Variants in APBA1 observed in about 807,000 individuals in gnomAD.
The protein encoded by APBA1 is amyloid beta precursor protein binding family A member 1.
In APBA1, 55 loss-of-function variants were observed where a neutral mutation model predicts 86.6. The observed-to-expected ratio is 0.64, with a 90% CI of 0.51 to 0.80. The LOEUF is 0.80. Among genes scored for constraint, APBA1 ranks in the 30% least tolerant of loss-of-function variants. APBA1 has a pLI of 0.00. For missense variants in APBA1, 1,090 were observed against 1,183.0 expected (o/e 0.92, Z 1.15); for synonymous variants, 511 against 493.9 (o/e 1.03, Z -0.46).
chr9:69,434,673 C>T (rs937430103), intron 11 of APBA1, among the ~76,000 whole-genome samples: 7 of 149,490 alleles, frequency 4.7e-5, no homozygotes, highest in African/African-American at 1.7e-4. Flanking sequence ...TGCCACTGTA[C>T]TCCATCTTGG....
chr9:69,658,382 CTCTT>C (rs1157384373), intron 1 of APBA1, among the ~76,000 whole-genome samples: 50 of 143,290 alleles, frequency 3.5e-4, no homozygotes, highest in African/African-American at 1.3e-3. Flanking sequence ...CTCTCTTTCT[CTCTT>C]TCTTTCTCTC....
intron 1 of APBA1, among the ~76,000 whole-genome samples, chr9:69,521,495 G>A (rs1447543701): frequency 6.6e-6 from 1 of 152,198 alleles, no homozygotes; most frequent in Non-Finnish European, 1.5e-5. Flanking sequence ...CAAGCCAGAG[G>A]AGGCTTCCCT....
intron 1 of APBA1, among the ~76,000 whole-genome samples, chr9:69,576,365 T>C (rs11139414): frequency 0.1 from 15,870 of 152,098 alleles, 1,453 homozygotes; most frequent in African/African-American, 0.24. Context: ...GGGTATATAC[T>C]AAAGGATTAC....
intron 1 of APBA1, among the ~76,000 whole-genome samples, chr9:69,522,197 G>T (rs1836264315): frequency 6.6e-6 from 1 of 151,748 alleles, no homozygotes; most frequent in African/African-American, 2.4e-5. Flanking sequence ...TTAAGAAAAA[G>T]ATGTTTTGTC....
intron 1 of APBA1, among the ~76,000 whole-genome samples, chr9:69,627,866 C>T (rs796251879): frequency 3.0e-4 from 45 of 152,216 alleles, no homozygotes; most frequent in Admixed American, 9.2e-4. Flanking sequence ...TGTGATGCAA[C>T]GGCTAACAGG....
upstream of APBA1, among the ~76,000 whole-genome samples, chr9:69,672,490 A>G (rs537623379): frequency 3.3e-3 from 470 of 143,390 alleles, 2 homozygotes; most frequent in African/African-American, 0.011. Flanking sequence ...GCGCGCGCGC[A>G]CGCCGCCTGC....
At chr9:69,613,914 T>C (rs1822643640) in intron 1 of APBA1, among the ~76,000 whole-genome samples, 1 of 152,208 alleles carries the variant, frequency 6.6e-6, no homozygotes, top group Non-Finnish European at 1.5e-5. Context: ...ATTTAAACTG[T>C]CTTCCCGTAA....
chr9:69,431,371 T>G lies in APBA1; in HGVS notation c.2470A>C (p.Met824Leu). 1.9e-6 allele frequency: 3 copies of G among 1,613,236 alleles called. No individual in the cohort carries two copies. The highest frequency in any genetic ancestry group is 2.5e-6 in the Non-Finnish European group (3 of 1,179,594). ...EIHMKTMPAA[M>L]YRLLTAQEQP... Reference sequence around the variant, plus strand: ...TCCTGGGCCGTCAGCAGCCTGTACATCGCGGCTGGCATTGTCTTCATATGA... The same window carrying G: ...TCCTGGGCCGTCAGCAGCCTGTACAGCGCGGCTGGCATTGTCTTCATATGA... The change falls in exon 13 of 13, where the codon ATG (methionine) becomes CTG (leucine). Residue 824 changes from methionine (M) to leucine (L), a missense_variant. Transcript: ENST00000265381.
intron 8 of APBA1, 117 bp downstream of exon 8, chr9:69,456,130 G>A (rs111747521): frequency 9.5e-6 from 11 of 1,156,134 alleles, no homozygotes; most frequent in East Asian, 9.4e-5. Context: ...AACAGTGCCT[G>A]ACACACAGTA....
At chr9:69,604,818 G>A (rs1478185545) in intron 1 of APBA1, among the ~76,000 whole-genome samples, 2 of 149,600 alleles carry the variant, frequency 1.3e-5, no homozygotes, top group Non-Finnish European at 3.0e-5. Flanking sequence ...GCACATGAGT[G>A]TGGGCACACA....
chr9:69,653,014 C>CAA lies in APBA1; in HGVS notation c.-70+19137_-70+19138dup, dbSNP rs35226509. ...TCCAACTCAGGAAAACAAAAACAAG[C>CAA]AAAAAAAAAACAAAAAAACAAGACT... On this transcript the variant is annotated intron_variant, in intron 1 of 12. Transcript: ENST00000265381. Among the ~76,000 whole-genome samples the CAA allele has an allele frequency of 4.8e-3, 692 of 145,666 alleles. 2 individuals carry two copies. Among genetic ancestry groups the CAA allele is most frequent in the African/African-American group, 0.012 (476 of 38,666 alleles).
intron 2 of APBA1, among the ~76,000 whole-genome samples, chr9:69,512,055 C>G (rs1334140772): frequency 1.3e-5 from 2 of 148,218 alleles, no homozygotes; most frequent in African/African-American, 5.0e-5. Flanking sequence ...CACATGTACC[C>G]TAAAACTTAA....
chr9:69,535,115 A>C (rs1238168111), intron 1 of APBA1, among the ~76,000 whole-genome samples: 1 of 152,212 alleles, frequency 6.6e-6, no homozygotes, highest in African/African-American at 2.4e-5. Context: ...CAACACTCTG[A>C]TGCTTTTTTC....
At chr9:69,561,288 G>T (rs1836942231) in intron 1 of APBA1, among the ~76,000 whole-genome samples, 1 of 152,202 alleles carries the variant, frequency 6.6e-6, no homozygotes, top group Non-Finnish European at 1.5e-5. Flanking sequence ...AATGTAGTTG[G>T]TTTATATGAT....
chr9:69,647,965 G>A (rs1368498850), intron 1 of APBA1, among the ~76,000 whole-genome samples: 1 of 152,246 alleles, frequency 6.6e-6, no homozygotes, highest in African/African-American at 2.4e-5. Flanking sequence ...AGGCAGGACT[G>A]CATGACTGGC....
chr9:69,611,625 G>A (rs181007907), intron 1 of APBA1, among the ~76,000 whole-genome samples: 2 of 152,258 alleles, frequency 1.3e-5, no homozygotes, highest in East Asian at 1.9e-4. Flanking sequence ...ATGGGAACAC[G>A]TTCCATTTTG....
chr9:69,665,515 T>C (rs565730772), intron 1 of APBA1, among the ~76,000 whole-genome samples: 1 of 152,320 alleles, frequency 6.6e-6, no homozygotes, highest in South Asian at 2.1e-4. Flanking sequence ...ACTTAAATCT[T>C]TGGAAATTTC....
chr9:69,448,835 A>C (rs1244260441), intron 10 of APBA1, among the ~76,000 whole-genome samples: 1 of 152,192 alleles, frequency 6.6e-6, no homozygotes, highest in African/African-American at 2.4e-5. Context: ...ATCATGGAGG[A>C]GGAACATCCT....
At chr9:69,461,267 C>T (rs1835186684) in intron 5 of APBA1, 1 of 151,944 alleles carries the variant, frequency 6.6e-6, no homozygotes, top group Non-Finnish European at 1.5e-5. Flanking sequence ...CTATTTAAAC[C>T]CTCGTGTTTC....
Sources: allele counts gnomAD v4.1 joint callset (sites outside exome capture counted in the v4.1 genomes callset), GRCh38; gene constraint gnomAD v4.1.1; transcripts MANE v1.5; gene names NCBI Gene and HGNC (gene_info 2026-07-23, HGNC 2026-07-21).